Variants in MYO5B observed in about 807,000 individuals in gnomAD.
MYO5B encodes the protein unconventional myosin-Vb.
Under a neutral mutation model 229.3 loss-of-function variants are expected in MYO5B, and 143 were observed. The observed-to-expected ratio is 0.62, with a 90% CI of 0.54 to 0.72. The LOEUF (loss-of-function observed/expected upper bound fraction) is 0.72. Among genes scored for constraint, MYO5B ranks in the 30% least tolerant of loss-of-function variants. The probability of loss-of-function intolerance (pLI) is 0.00; values close to 1 mark genes in which losing one functional copy is unlikely to be tolerated. For synonymous variants in MYO5B, 918 were observed against 885.2 expected (o/e 1.04, Z -0.66); for missense variants, 2,321 against 2,331.0 (o/e 1.00, Z 0.09).
chr18:49,912,197 C>T (rs1434192979), intron 17 of MYO5B, 24 bp from the exon 18 acceptor site: 2 of 1,575,144 alleles, frequency 1.3e-6, no homozygotes, highest in Non-Finnish European at 1.7e-6. Flanking sequence ...AAAGGGGCAT[C>T]AGGTGACACA....
rs75732210 is a variant in MYO5B, at chr18:49,970,411, C to G, written c.1322+3939G>C. Among the ~76,000 whole-genome samples the G allele has an allele frequency of 1.9e-3, 289 of 152,300 alleles. 1 individual carries two copies. The highest frequency in any genetic ancestry group is 6.7e-3 in the African/African-American group (277 of 41,562). Reference sequence around the variant, plus strand: ...TCAGAAAAGCCTTGGGGAAGGGCCTCTGAGCAGAGCACTCACCACAGTCAT... The same window carrying G: ...TCAGAAAAGCCTTGGGGAAGGGCCTGTGAGCAGAGCACTCACCACAGTCAT... On this transcript the variant is annotated intron_variant, in intron 10 of 39. Transcript: ENST00000285039.
At chr18:49,833,355 T>C (rs547010831) in intron 39 of MYO5B, among the ~76,000 whole-genome samples, 1 of 152,332 alleles carries the variant, frequency 6.6e-6, no homozygotes, top group African/African-American at 2.4e-5. Flanking sequence ...TTATCACACA[T>C]GTGAGTTCAA....
chr18:50,024,087 G>A (rs1364460362), intron 4 of MYO5B, among the ~76,000 whole-genome samples: 2 of 152,168 alleles, frequency 1.3e-5, no homozygotes, highest in Non-Finnish European at 2.9e-5. Context: ...CTGAGCTGGA[G>A]TTCGTACACA....
chr18:50,026,476 G>A (rs1298452258), intron 4 of MYO5B, among the ~76,000 whole-genome samples: 2 of 152,178 alleles, frequency 1.3e-5, no homozygotes, highest in Admixed American at 6.5e-5. Context: ...TAGACAAATT[G>A]AAAATAGAAT....
intron 1 of MYO5B, among the ~76,000 whole-genome samples, chr18:50,085,114 G>A (rs918825719): frequency 3.3e-4 from 50 of 152,196 alleles, no homozygotes; most frequent in South Asian, 2.9e-3. Flanking sequence ...AACTACCATT[G>A]GAGTGAACAG....
chr18:49,912,272 G>A (rs1447317591), intron 17 of MYO5B, 99 bp from the exon 18 acceptor site: 2 of 872,176 alleles, frequency 2.3e-6, no homozygotes, highest in Non-Finnish European at 3.9e-6. Context: ...GGTCAACACT[G>A]TGGCACAAAG....
chr18:50,087,403 T>C (rs563424932), intron 1 of MYO5B, among the ~76,000 whole-genome samples: 1 of 151,920 alleles, frequency 6.6e-6, no homozygotes, highest in Admixed American at 6.6e-5. Flanking sequence ...ACCCCGTCTC[T>C]ACTAAAAATA....
At chr18:49,959,861 T>C (rs1425538637) in intron 12 of MYO5B, among the ~76,000 whole-genome samples, 3 of 152,194 alleles carry the variant, frequency 2.0e-5, no homozygotes, top group Non-Finnish European at 4.4e-5. Flanking sequence ...AGAGTCTTGT[T>C]ACGAGCAGCC....
intron 4 of MYO5B, among the ~76,000 whole-genome samples, chr18:50,011,463 C>T (rs2026159808): frequency 6.6e-6 from 1 of 152,164 alleles, no homozygotes; most frequent in Admixed American, 6.5e-5. Context: ...ATATGCTCAA[C>T]TGCCCACTGG....
chr18:49,954,083 T>C (rs2025464381), intron 13 of MYO5B, among the ~76,000 whole-genome samples: 1 of 151,126 alleles, frequency 6.6e-6, no homozygotes, highest in African/African-American at 2.4e-5. Context: ...TTCATATATA[T>C]ATATGAATGA....
intron 17 of MYO5B, among the ~76,000 whole-genome samples, chr18:49,916,476 C>G (rs530085762): frequency 9.8e-5 from 15 of 152,330 alleles, no homozygotes; most frequent in Non-Finnish European, 2.2e-4. Flanking sequence ...CCAGGGAGTT[C>G]AGGAGATGGG....
intron 12 of MYO5B, 45 bp downstream of exon 12, chr18:49,962,221 A>G: frequency 6.2e-7 from 1 of 1,612,394 alleles, no homozygotes; most frequent in Non-Finnish European, 8.5e-7. Flanking sequence ...TCCTTGTATC[A>G]CATCCCTACC....
intron 1 of MYO5B, among the ~76,000 whole-genome samples, chr18:50,154,137 T>A (rs1441191901): frequency 1.3e-5 from 2 of 152,092 alleles, no homozygotes; most frequent in African/African-American, 4.8e-5. Context: ...TAGGTCTGTA[T>A]GTAGGTGGTA....
intron 1 of MYO5B, among the ~76,000 whole-genome samples, chr18:50,059,491 T>G (rs2030634855): frequency 6.6e-6 from 1 of 152,168 alleles, no homozygotes; most frequent in Admixed American, 6.5e-5. Context: ...AATTCTTCCA[T>G]GATGTTGAAA....
chr18:50,113,443 T>G (rs1301761576), intron 1 of MYO5B, among the ~76,000 whole-genome samples: 4 of 152,316 alleles, frequency 2.6e-5, no homozygotes, highest in Middle Eastern at 3.4e-3. Context: ...TGTGTTAAGA[T>G]GGGGGACAAC....
intron 4 of MYO5B, among the ~76,000 whole-genome samples, chr18:50,010,740 TG>T (rs2026152880): frequency 6.6e-6 from 1 of 152,246 alleles, no homozygotes; most frequent in Admixed American, 6.5e-5. Context: ...GGGTGAACTA[TG>T]ATATACACAT....
chr18:49,877,693 C>G, intron 25 of MYO5B, 70 bp downstream of exon 25: 1 of 1,604,810 alleles, frequency 6.2e-7, no homozygotes, highest in Non-Finnish European at 8.5e-7. Context: ...TTCTCTTGGA[C>G]AGTTCCACAC....
At chr18:50,129,720 C>CA (rs1381131363) in intron 1 of MYO5B, among the ~76,000 whole-genome samples, 1 of 152,248 alleles carries the variant, frequency 6.6e-6, no homozygotes, top group South Asian at 2.1e-4. Flanking sequence ...TGAGTCCAGG[C>CA]AAGAATCTAG....
At chr18:50,009,902 A>G (rs1316105355) in intron 4 of MYO5B, among the ~76,000 whole-genome samples, 2 of 152,200 alleles carry the variant, frequency 1.3e-5, no homozygotes, top group African/African-American at 4.8e-5. Context: ...TCCAGGCCCA[A>G]GGACTGAGCA....
Sources: allele counts gnomAD v4.1 joint callset (sites outside exome capture counted in the v4.1 genomes callset), GRCh38; gene constraint gnomAD v4.1.1; transcripts MANE v1.5; gene names NCBI Gene and HGNC (gene_info 2026-07-23, HGNC 2026-07-21).